The following ELOVL7 variants were observed in gnomAD, a reference collection of about 807,000 sequenced individuals.
The protein encoded by ELOVL7 is very long chain fatty acid elongase 7.
A neutral mutation model predicts 35.7 loss-of-function variants in ELOVL7; 27 were observed. The ratio of observed to expected loss-of-function variants is 0.76; its 90% CI spans 0.56 to 1.04. The LOEUF (loss-of-function observed/expected upper bound fraction) is 1.04, where lower values mean the gene tolerates loss of function less well. Ranked by LOEUF, ELOVL7 falls within the 50% of genes least tolerant of loss-of-function variation. ELOVL7 has a pLI of 0.00. For synonymous variants in ELOVL7, 113 were observed against 114.6 expected, an observed-to-expected ratio of 0.99 and a Z score of 0.09; for missense variants, 327 against 340.8, an observed-to-expected ratio of 0.96 and a Z score of 0.32.
intron 1 of ELOVL7, among the ~76,000 whole-genome samples, chr5:60,802,113 TATATAC>T (rs1217713717): frequency 0.014 from 93 of 6,594 alleles, 7 homozygotes; most frequent in Admixed American, 0.017. Flanking sequence ...TATATATATA[TATATAC>T]ACACACACAC....
At chr5:60,800,030 C>CAAAAAAA (rs58041305) in intron 1 of ELOVL7, among the ~76,000 whole-genome samples, 3 of 86,190 alleles carry the variant, frequency 3.5e-5, no homozygotes, top group Non-Finnish European at 4.5e-5. Context: ...AACTCCATCT[C>CAAAAAAA]AAAAAAAAAA....
chr5:60,791,267 G>C (rs1003409798), intron 2 of ELOVL7, among the ~76,000 whole-genome samples: 1 of 152,106 alleles, frequency 6.6e-6, no homozygotes, highest in Non-Finnish European at 1.5e-5. Flanking sequence ...GTGAGAAACC[G>C]CACCCAGCCA....
At chr5:60,800,915 A>G (rs989780036) in intron 1 of ELOVL7, among the ~76,000 whole-genome samples, 2 of 152,124 alleles carry the variant, frequency 1.3e-5, no homozygotes, top group Non-Finnish European at 2.9e-5. Context: ...CTAATTTTTA[A>G]AAATGTTTTA....
At chr5:60,779,574 GGGCATCAA>G (rs1174947819) in intron 3 of ELOVL7, among the ~76,000 whole-genome samples, 1 of 152,146 alleles carries the variant, frequency 6.6e-6, no homozygotes, top group Non-Finnish European at 1.5e-5. Context: ...CTGGAATGCA[GGGCATCAA>G]GTCCCTAGGC....
chr5:60,794,896 G>C (rs1422941935), intron 2 of ELOVL7, among the ~76,000 whole-genome samples: 2 of 152,116 alleles, frequency 1.3e-5, no homozygotes, highest in African/African-American at 4.8e-5. Flanking sequence ...GGGGACTGCA[G>C]GGTAAAAACC....
chr5:60,818,258 A>T (rs1223113481), intron 1 of ELOVL7, among the ~76,000 whole-genome samples: 1 of 146,802 alleles, frequency 6.8e-6, no homozygotes, highest in Admixed American at 6.9e-5. Context: ...GCGGAAGTGG[A>T]AGTGAGTCAA....
chr5:60,801,253 G>T (rs1216830685), intron 1 of ELOVL7, among the ~76,000 whole-genome samples: 1 of 152,140 alleles, frequency 6.6e-6, no homozygotes, highest in Non-Finnish European at 1.5e-5. Flanking sequence ...TCGGATTTTG[G>T]TACAGGGTCC....
intron 1 of ELOVL7, among the ~76,000 whole-genome samples, chr5:60,827,337 A>G (rs1746228095): frequency 6.6e-6 from 1 of 152,210 alleles, no homozygotes; most frequent in Admixed American, 6.5e-5. Flanking sequence ...ATATTTCCTC[A>G]ATGTAGGTTC....
intron 8 of ELOVL7, 68 bp downstream of exon 8, chr5:60,757,441 T>C (rs1252417507): frequency 6.7e-7 from 1 of 1,497,868 alleles, no homozygotes; most frequent in Non-Finnish European, 9.2e-7. Flanking sequence ...ACCAGTATCC[T>C]AATTCACAGT....
At chr5:60,816,028 C>T (rs1413279649) in intron 1 of ELOVL7, among the ~76,000 whole-genome samples, 4 of 152,154 alleles carry the variant, frequency 2.6e-5, no homozygotes, top group Non-Finnish European at 5.9e-5. Context: ...ATCGGAACAA[C>T]TTTAATCCTT....
In ELOVL7 at chr5:60,754,834, C is replaced by T; in HGVS notation, c.637-1G>A. Reference sequence around the variant, plus strand: ...GGATGGCGACAATAACAAACTGGACCTAAGAAATGAAAACGTGAAAAAAAA... The same window carrying T: ...GGATGGCGACAATAACAAACTGGACTTAAGAAATGAAAACGTGAAAAAAAA... On this transcript the variant is annotated splice_acceptor_variant, in intron 8 of 8. Coordinates refer to ENST00000508821, the MANE Select transcript of ELOVL7 (RefSeq NM_024930.3). LOFTEE classifies it high-confidence loss of function. The T allele has an allele frequency of 6.2e-7, 1 of 1,612,404 alleles. No homozygotes were observed. The highest frequency in any genetic ancestry group is 8.5e-7 in the Non-Finnish European group (1 of 1,179,364).
At chr5:60,805,224 G>A (rs1744855425) in intron 1 of ELOVL7, among the ~76,000 whole-genome samples, 1 of 152,216 alleles carries the variant, frequency 6.6e-6, no homozygotes, top group Admixed American at 6.5e-5. Context: ...TGAAGTATAT[G>A]TTATAGGCCA....
chr5:60,816,549 G>A (rs1181415751), intron 1 of ELOVL7, among the ~76,000 whole-genome samples: 3 of 152,180 alleles, frequency 2.0e-5, no homozygotes, highest in African/African-American at 7.2e-5. Flanking sequence ...ATACCACACA[G>A]TTCTAGCCAA....
In ELOVL7 at chr5:60,838,820, T is replaced by C. The variant is rs562157923; in HGVS notation, c.-86+5340A>G. Among the ~76,000 whole-genome samples the C allele has an allele frequency of 1.9e-4, 29 of 151,796 alleles. No homozygotes were observed. In the South Asian group the frequency reaches 5.2e-3, roughly 27 times the overall value. On this transcript the variant is annotated intron_variant, in intron 1 of 8. Coordinates refer to ENST00000508821, the MANE Select transcript of ELOVL7 (RefSeq NM_024930.3). ...GGGCAGATCACCTGAGGTCAGGAAT[T>C]CAAGAGCAGCCTGGCCAACATAGTG...
rs1743669425 is a variant in ELOVL7, at chr5:60,787,432, C to A, written c.-34-1G>T. ...GATTTACTGGCTCTTTTAATGGGTTCTTCAGTAAAATAAAACAGAAATGAG... is the reference window on the plus strand; with the variant it reads ...GATTTACTGGCTCTTTTAATGGGTTATTCAGTAAAATAAAACAGAAATGAG... On this transcript the variant is annotated splice_acceptor_variant, in intron 2 of 8. Coordinates refer to ENST00000508821, the MANE Select transcript of ELOVL7 (RefSeq NM_024930.3). LOFTEE classifies it low-confidence loss of function (5UTR_SPLICE). 16 of 1,491,176 alleles carry A rather than the reference C, an allele frequency of 1.1e-5. No individual in the cohort carries two copies. Among genetic ancestry groups the A allele is most frequent in the Non-Finnish European group, 1.5e-5 (16 of 1,098,810 alleles). 92.4% of individuals were successfully genotyped at this position (1,491,176 alleles called of 1,614,324 possible). A position where few individuals can be genotyped will look rare whatever the true frequency, so the allele number is the denominator to read the frequency against.
At chr5:60,785,623 C>G (rs1172382451) in intron 3 of ELOVL7, among the ~76,000 whole-genome samples, 1 of 151,988 alleles carries the variant, frequency 6.6e-6, no homozygotes, top group African/African-American at 2.4e-5. Context: ...CCTTGAAAAG[C>G]AATGAAAATA....
chr5:60,793,112 C>A (rs1373186674), intron 2 of ELOVL7, among the ~76,000 whole-genome samples: 1 of 152,058 alleles, frequency 6.6e-6, no homozygotes, highest in Non-Finnish European at 1.5e-5. Flanking sequence ...GAGTGGGAGG[C>A]CCTTCAAGAT....
chr5:60,779,251 CTT>C (rs1382629718), intron 3 of ELOVL7, among the ~76,000 whole-genome samples: 1 of 152,176 alleles, frequency 6.6e-6, no homozygotes, highest in Non-Finnish European at 1.5e-5. Context: ...TGGTGGCCCT[CTT>C]CTCACAGCTC....
At chr5:60,774,512 C>T (rs1436722216) in intron 3 of ELOVL7, among the ~76,000 whole-genome samples, 1 of 152,068 alleles carries the variant, frequency 6.6e-6, no homozygotes, top group African/African-American at 2.4e-5. Flanking sequence ...ATAATAAGGG[C>T]CATCTATGAC....
Sources: allele counts gnomAD v4.1 joint callset (sites outside exome capture counted in the v4.1 genomes callset), GRCh38; gene constraint gnomAD v4.1.1; transcripts MANE v1.5; gene names NCBI Gene and HGNC (gene_info 2026-07-23, HGNC 2026-07-21).